TULP4: variants seen among roughly 807,000 people sequenced by gnomAD.
TULP4 encodes TUB like protein 4, also known as tubby-related protein 4.
TULP4 carries 16 observed loss-of-function variants against 129.0 expected under a neutral mutation model. The observed-to-expected ratio is 0.12, with a 90% CI of 0.08 to 0.19. The LOEUF (loss-of-function observed/expected upper bound fraction) is 0.19. Ranked by LOEUF, TULP4 falls within the 10% of genes least tolerant of loss-of-function variation. The pLI is 1.00. For synonymous variants in TULP4, 998 were observed against 854.0 expected, an observed-to-expected ratio of 1.17 and a Z score of -2.94; for missense variants, 1,842 against 2,059.1, an observed-to-expected ratio of 0.89 and a Z score of 2.04.
chr6:158,501,695 G>A lies in TULP4; in HGVS notation c.2032G>A (p.Val678Ile). 1 of 1,606,002 alleles carries A rather than the reference G, an allele frequency of 6.2e-7. No individual in the cohort carries two copies. Among genetic ancestry groups the A allele is most frequent in the Non-Finnish European group, 8.5e-7 (1 of 1,173,828 alleles). Reference protein sequence around the residue: ...DDLPVTGASGVPENSPPCTVN... With the variant: ...DDLPVTGASGIPENSPPCTVN... ...TCTTCCAGTGACAGGAGCATCTGGTGTCCCTGAGAACAGCCCACCTTGTAC... is the reference window on the plus strand; with the variant it reads ...TCTTCCAGTGACAGGAGCATCTGGTATCCCTGAGAACAGCCCACCTTGTAC... The change falls in exon 13 of 14, where the codon GTC (valine) becomes ATC (isoleucine). Residue 678 changes from valine to isoleucine, a missense_variant. Coordinates refer to ENST00000367097, the MANE Select transcript of TULP4 (RefSeq NM_020245.5).
chr6:158,301,191 A>G (rs990385485), intron 1 of TULP4, among the ~76,000 whole-genome samples: 1 of 152,222 alleles, frequency 6.6e-6, no homozygotes, highest in Non-Finnish European at 1.5e-5. Flanking sequence ...AGGTTTGGGG[A>G]AATCCTGTAA....
chr6:158,367,615 T>A (rs571554679), intron 1 of TULP4, among the ~76,000 whole-genome samples: 1 of 152,326 alleles, frequency 6.6e-6, no homozygotes, highest in East Asian at 1.9e-4. Flanking sequence ...TTAATTTTTT[T>A]AAAGATGTAT....
At chr6:158,442,874 C>T (rs1027888486) in intron 3 of TULP4, among the ~76,000 whole-genome samples, 5 of 151,286 alleles carry the variant, frequency 3.3e-5, no homozygotes, top group South Asian at 2.1e-4. Flanking sequence ...AGTGCAATGG[C>T]GCTATCTCTG....
intron 1 of TULP4, among the ~76,000 whole-genome samples, chr6:158,262,044 C>T (rs188469376): frequency 6.6e-6 from 1 of 152,284 alleles, no homozygotes; most frequent in East Asian, 1.9e-4. Flanking sequence ...CATTTTGCTG[C>T]CCCAAATAAA....
chr6:158,451,985 A>G (rs931319259), intron 4 of TULP4, 149 bp from the exon 5 acceptor site: 16 of 1,194,944 alleles, frequency 1.3e-5, no homozygotes, highest in Admixed American at 6.8e-5. Context: ...TGAATGATAT[A>G]GAATGTTTCA....
At chr6:158,419,048 T>C (rs1042790323) in intron 2 of TULP4, among the ~76,000 whole-genome samples, 1 of 152,236 alleles carries the variant, frequency 6.6e-6, no homozygotes, top group East Asian at 1.9e-4. Flanking sequence ...CTGAAAAACA[T>C]TGTTTTATGT....
chr6:158,474,346 G>A (rs1432056762), intron 6 of TULP4, among the ~76,000 whole-genome samples: 1 of 152,184 alleles, frequency 6.6e-6, no homozygotes. Flanking sequence ...GCCTCCCTCA[G>A]TCATCCAGAA....
At chr6:158,318,627 C>G (rs558431719) in intron 1 of TULP4, among the ~76,000 whole-genome samples, 156 of 152,302 alleles carry the variant, frequency 1.0e-3, no homozygotes, top group African/African-American at 3.7e-3. Flanking sequence ...CTAACATTTT[C>G]CTACAACTTT....
intron 1 of TULP4, among the ~76,000 whole-genome samples, chr6:158,388,670 G>T (rs191937407): frequency 7.2e-6 from 1 of 139,480 alleles, no homozygotes; most frequent in East Asian, 2.0e-4. Flanking sequence ...AAAAAAAAAT[G>T]CCTGCATCAT....
At chr6:158,458,027 A>G (rs907473128) in intron 5 of TULP4, among the ~76,000 whole-genome samples, 5 of 152,176 alleles carry the variant, frequency 3.3e-5, no homozygotes, top group African/African-American at 1.2e-4. Context: ...GTGTATGCAC[A>G]TACACAACAT....
intron 1 of TULP4, among the ~76,000 whole-genome samples, chr6:158,246,246 A>C (rs1778029822): frequency 6.6e-6 from 1 of 152,096 alleles, no homozygotes; most frequent in Non-Finnish European, 1.5e-5. Context: ...TCATGCCTGT[A>C]ATCCCAGCAC....
intron 4 of TULP4, 111 bp from the exon 5 acceptor site, chr6:158,452,023 G>T: frequency 6.8e-7 from 1 of 1,476,380 alleles, no homozygotes; most frequent in African/African-American, 1.4e-5. Flanking sequence ...TCCAGAGTAG[G>T]ATCTGCATTG....
In TULP4 at chr6:158,506,511, G is replaced by A. The variant is rs1481388247; in HGVS notation, c.4516-67G>A. 27 of 1,063,340 alleles carry A rather than the reference G, an allele frequency of 2.5e-5. 1 individual carries two copies. Among genetic ancestry groups the A allele is most frequent in the Middle Eastern group, 2.0e-4 (1 of 5,004 alleles). 65.9% of individuals were successfully genotyped at this position (1,063,340 alleles called of 1,614,324 possible). ...CTCCCAAAGTGCTGGGACTACAGGCGTGAGCCACTGCGCCTGGCCTTTTCA... is the reference window on the plus strand; with the variant it reads ...CTCCCAAAGTGCTGGGACTACAGGCATGAGCCACTGCGCCTGGCCTTTTCA... On this transcript the variant is annotated intron_variant, in intron 13 of 13. Coordinates refer to ENST00000367097, the MANE Select transcript of TULP4 (RefSeq NM_020245.5).
intron 1 of TULP4, among the ~76,000 whole-genome samples, chr6:158,348,173 G>GTTTTTTTTTTTTTTTTTTTTTTTTTTT (rs34217788): frequency 8.9e-6 from 1 of 112,170 alleles, no homozygotes; most frequent in African/African-American, 3.8e-5. Context: ...TTTTTTTAAG[G>GTTTTTTTTTTTTTTTTTTTTTTTTTTT]TTTTTTTTTT....
intron 1 of TULP4, among the ~76,000 whole-genome samples, chr6:158,375,659 G>C (rs1777166963): frequency 6.6e-6 from 1 of 152,234 alleles, no homozygotes; most frequent in Non-Finnish European, 1.5e-5. Flanking sequence ...GCTTTATCTT[G>C]AGAAGGAGTT....
chr6:158,496,251 G>T (rs9355656), intron 11 of TULP4, among the ~76,000 whole-genome samples: 1 of 152,122 alleles, frequency 6.6e-6, no homozygotes, highest in Non-Finnish European at 1.5e-5. Flanking sequence ...CATTTTGAGC[G>T]TGCTGTGCGT....
At chr6:158,382,055 A>G (rs1025883214) in intron 1 of TULP4, among the ~76,000 whole-genome samples, 3 of 152,180 alleles carry the variant, frequency 2.0e-5, no homozygotes, top group African/African-American at 7.2e-5. Flanking sequence ...TTCTAGAAAA[A>G]GCAGCCAGGA....
At chr6:158,444,858 G>C (rs705959) in intron 3 of TULP4, among the ~76,000 whole-genome samples, 94,920 of 152,084 alleles carry the variant, frequency 0.62, 30,412 homozygotes, top group African/African-American at 0.77. Flanking sequence ...GTCACCCAGG[G>C]TGGAGTGCAT....
intron 11 of TULP4, 46 bp from the exon 12 acceptor site, chr6:158,498,623 G>A (rs2128260957): frequency 1.2e-6 from 2 of 1,612,734 alleles, no homozygotes; most frequent in Non-Finnish European, 1.7e-6. Flanking sequence ...CTTTGGCTCT[G>A]CTCTGGTGTG....
Sources: allele counts gnomAD v4.1 joint callset (sites outside exome capture counted in the v4.1 genomes callset), GRCh38; gene constraint gnomAD v4.1.1; transcripts MANE v1.5; gene names NCBI Gene and HGNC (gene_info 2026-07-23, HGNC 2026-07-21).